Variants in ANK3 observed in about 807,000 individuals in gnomAD.
The protein encoded by ANK3 is ankyrin-3.
ANK3 carries 57 observed loss-of-function variants against 370.9 expected under a neutral mutation model. The ratio of observed to expected loss-of-function variants is 0.15; its 90% CI spans 0.12 to 0.19. ANK3 has a LOEUF of 0.19. Among genes scored for constraint, ANK3 ranks in the 10% least tolerant of loss-of-function variants. ANK3 has a pLI of 1.00. For synonymous variants in ANK3, 1,929 were observed against 1,946.3 expected (o/e 0.99, Z 0.23); for missense variants, 4,439 against 5,302.1 (o/e 0.84, Z 5.06).
intron 1 of ANK3, among the ~76,000 whole-genome samples, chr10:60,335,539 A>G (rs1023868951): frequency 3.3e-5 from 5 of 152,124 alleles, no homozygotes; most frequent in Non-Finnish European, 5.9e-5. Flanking sequence ...CAGCCTTTAC[A>G]AACAGCTGCA....
chr10:60,323,968 T>C (rs1311063825), intron 1 of ANK3, among the ~76,000 whole-genome samples: 1 of 152,104 alleles, frequency 6.6e-6, no homozygotes, highest in Admixed American at 6.6e-5. Flanking sequence ...TAAGGGATAA[T>C]GTCGTTTAGA....
At chr10:60,466,327 G>C (rs985549261) in intron 2 of ANK3, among the ~76,000 whole-genome samples, 1 of 152,038 alleles carries the variant, frequency 6.6e-6, no homozygotes, top group Non-Finnish European at 1.5e-5. Flanking sequence ...ATAATGACAA[G>C]GAAAAGAAAG....
Position 60,072,231 on chromosome 10 carries a change from C to G in ANK3, c.8650G>C (p.Gly2884Arg), listed in dbSNP as rs963158886. 2 of 1,613,866 alleles carry G rather than the reference C, an allele frequency of 1.2e-6. No individual in the cohort carries two copies. The highest frequency in any genetic ancestry group is 2.7e-5 in the African/African-American group (2 of 74,896). The part of the protein sequence containing the change: ...LVHDVRENHI[G>R]HPESKSVDQK... ...TCAACACTTTTACTCTCAGGGTGACCAATGTGATTCTCTCTTACATCATGA... is the reference window on the plus strand; with the variant it reads ...TCAACACTTTTACTCTCAGGGTGACGAATGTGATTCTCTCTTACATCATGA... Residue 2884 changes from glycine (G) to arginine (R), a missense_variant, in exon 37 of 44, where the codon GGT (glycine) becomes CGT (arginine). Transcript: ENST00000280772.
chr10:60,646,322 G>C (rs920039172), intron 1 of ANK3, among the ~76,000 whole-genome samples: 8 of 152,142 alleles, frequency 5.3e-5, no homozygotes, highest in African/African-American at 1.9e-4. Context: ...AGTGTTCTAT[G>C]CAAAAAAGTA....
intron 41 of ANK3, among the ~76,000 whole-genome samples, chr10:60,058,438 T>G (rs1170130970): frequency 6.6e-6 from 1 of 152,188 alleles, no homozygotes; most frequent in African/African-American, 2.4e-5. Flanking sequence ...CAATATTATT[T>G]GGTGTAAAAA....
intron 42 of ANK3, among the ~76,000 whole-genome samples, chr10:60,046,424 T>C (rs901555488): frequency 6.6e-6 from 1 of 152,198 alleles, no homozygotes; most frequent in African/African-American, 2.4e-5. Flanking sequence ...TGGTATCCTA[T>C]TGGGCAGGTA....
chr10:60,137,293 G>A (rs749607798), intron 24 of ANK3: 15 of 315,588 alleles, frequency 4.8e-5, no homozygotes, highest in African/African-American at 6.8e-5. Context: ...ATGAGAGCAT[G>A]AGCCAGGAGA....
At chr10:60,215,685 C>T (rs1043710120) in intron 8 of ANK3, among the ~76,000 whole-genome samples, 5 of 151,598 alleles carry the variant, frequency 3.3e-5, no homozygotes, top group Admixed American at 6.6e-5. Context: ...CTGAGGTCTC[C>T]GTTCTGCTCC....
Position 60,437,860 on chromosome 10 carries a change from CTTGAT to C in ANK3, c.97-158226_97-158222del, listed in dbSNP as rs2064197485. Among the ~76,000 whole-genome samples, 3 of 152,284 alleles carry C rather than the reference CTTGAT, an allele frequency of 2.0e-5. No individual in the cohort carries two copies. The South Asian group carries it at 6.2e-4, about 32-fold the overall frequency. On this transcript the variant is annotated intron_variant, in intron 2 of 43. Coordinates refer to the ANK3 transcript ENST00000373827. ...ATGCAGTACCTCACAGAAAGTGAGA[CTTGAT>C]TTGAAGTCTGCCTCCAGAATGTAGG...
At chr10:60,534,570 C>T (rs182404944) in intron 2 of ANK3, among the ~76,000 whole-genome samples, 2 of 152,198 alleles carry the variant, frequency 1.3e-5, no homozygotes, top group African/African-American at 2.4e-5. Context: ...TAATACATCT[C>T]ATTACTGTAG....
intron 1 of ANK3, among the ~76,000 whole-genome samples, chr10:60,333,309 C>T (rs1265040430): frequency 6.6e-6 from 1 of 152,056 alleles, no homozygotes; most frequent in Non-Finnish European, 1.5e-5. Context: ...AGACCCCAAC[C>T]CCCCGACAGG....
chr10:60,134,620 T>C (rs539698629), intron 24 of ANK3, among the ~76,000 whole-genome samples: 7 of 152,324 alleles, frequency 4.6e-5, no homozygotes, highest in East Asian at 1.9e-4. Flanking sequence ...CATGAAAACT[T>C]TGGATGTTTC....
Position 60,074,564 on chromosome 10 carries a change from T to G in ANK3, c.6317A>C (p.Asp2106Ala). The G allele has an allele frequency of 6.2e-7, 1 of 1,614,116 alleles. No individual in the cohort carries two copies. Among genetic ancestry groups the G allele is most frequent in the Non-Finnish European group, 8.5e-7 (1 of 1,179,988 alleles). Residue 2106 changes from aspartate (D) to alanine (A), a missense_variant, in exon 37 of 44, where the codon GAT becomes GCT. Around this residue, in one of 13 missense-constraint regions of ANK3, gnomAD observed 679 missense variants for 791.0 expected, o/e 0.86. Transcript: ENST00000280772. ...GTCATCAGGAGACTCTAAAATAGTA[T>G]CTGTTCCAAAAAAGGAATCAGCCAT... ...CKMADSFFGT[D>A]TILESPDDFS... is the part of the protein sequence containing the mutation.
chr10:60,176,868 C>T (rs930727717), intron 18 of ANK3, among the ~76,000 whole-genome samples: 2 of 152,204 alleles, frequency 1.3e-5, no homozygotes, highest in African/African-American at 4.8e-5. Context: ...AGCTTATAGA[C>T]ATATTTTTAT....
At chr10:60,032,759 A>G (rs1044248195) in intron 43 of ANK3, among the ~76,000 whole-genome samples, 2 of 152,040 alleles carry the variant, frequency 1.3e-5, no homozygotes, top group African/African-American at 2.4e-5. Context: ...TTTAAGTGGG[A>G]GTTAGTTCCT....
chr10:60,551,969 A>T (rs1204245815), intron 2 of ANK3, among the ~76,000 whole-genome samples: 3 of 152,168 alleles, frequency 2.0e-5, no homozygotes, highest in Non-Finnish European at 2.9e-5. Flanking sequence ...GTCTCCAGGA[A>T]CTTCTTCCAA....
At chr10:60,105,243 C>T (rs377134049) in intron 28 of ANK3, among the ~76,000 whole-genome samples, 5 of 151,672 alleles carry the variant, frequency 3.3e-5, no homozygotes, top group African/African-American at 9.7e-5. Context: ...GAAAACTCTG[C>T]GTCAAACACC....
chr10:60,667,052 C>T (rs1324702573), intron 1 of ANK3, among the ~76,000 whole-genome samples: 1 of 151,214 alleles, frequency 6.6e-6, no homozygotes, highest in Non-Finnish European at 1.5e-5. Flanking sequence ...ACTTACACTA[C>T]TGTAAAAAAA....
At position 60,245,985 on chromosome 10, in the gene ANK3, G is replaced by T. The variant is rs550917310; in HGVS notation, c.799-11199C>A. ...TAAGATAACCACTAGGCCGGGCATG[G>T]TGGATGACACCTGTAATCCCAGCAC... On this transcript the variant is annotated intron_variant, in intron 7 of 43. Coordinates refer to ENST00000280772, the MANE Select transcript of ANK3 (RefSeq NM_020987.5). 2.8e-4 allele frequency among the ~76,000 whole-genome samples: 42 copies of T among 152,260 alleles called. No homozygotes were observed. The South Asian group carries it at 8.7e-3, about 32-fold the overall frequency.
Sources: allele counts gnomAD v4.1 joint callset (sites outside exome capture counted in the v4.1 genomes callset), GRCh38; gene constraint gnomAD v4.1.1; regional missense constraint gnomAD v4.1.1; transcripts MANE v1.5; gene names NCBI Gene and HGNC (gene_info 2026-07-23, HGNC 2026-07-21).